The following CCDC39 variants were observed in gnomAD, a reference collection of about 807,000 sequenced individuals.
CCDC39 encodes the protein coiled-coil domain 39 molecular ruler complex subunit.
A neutral mutation model predicts 121.0 loss-of-function variants in CCDC39; 113 were observed. The ratio of observed to expected loss-of-function variants is 0.93; its 90% CI spans 0.80 to 1.09. CCDC39 has a LOEUF of 1.09. Among genes scored for constraint, CCDC39 ranks in the 50% least tolerant of loss-of-function variants. CCDC39 has a pLI of 0.00. For missense variants in CCDC39, 1,063 were observed against 1,074.7 expected (o/e 0.99, Z 0.15); for synonymous variants, 349 against 352.2 (o/e 0.99, Z 0.10).
At chr3:180,677,558 C>T (rs778205689) in intron 1 of CCDC39, among the ~76,000 whole-genome samples, 1 of 151,868 alleles carries the variant, frequency 6.6e-6, no homozygotes, top group Non-Finnish European at 1.5e-5. Context: ...TTCTTAGAAA[C>T]ATTAACCATT....
intron 1 of CCDC39, among the ~76,000 whole-genome samples, chr3:180,670,102 A>G (rs1159225958): frequency 6.6e-6 from 1 of 152,182 alleles, no homozygotes; most frequent in African/African-American, 2.4e-5. Context: ...ACTACATTAA[A>G]AACATGTTCT....
intron 1 of CCDC39, among the ~76,000 whole-genome samples, chr3:180,667,485 T>G (rs1711912591): frequency 6.6e-6 from 1 of 152,156 alleles, no homozygotes; most frequent in Admixed American, 6.5e-5. Flanking sequence ...TATTTAAAAT[T>G]TTTTCATTAT....
chr3:180,625,363 T>TA (rs113610325), intron 14 of CCDC39, among the ~76,000 whole-genome samples: 1 of 151,522 alleles, frequency 6.6e-6, no homozygotes, highest in Non-Finnish European at 1.5e-5. Flanking sequence ...TTTTTTTTTT[T>TA]AAGATATCTC....
intron 14 of CCDC39, among the ~76,000 whole-genome samples, chr3:180,621,777 A>G (rs189990999): frequency 3.3e-5 from 5 of 152,066 alleles, no homozygotes; most frequent in Non-Finnish European, 7.4e-5. Flanking sequence ...TTTCTGTACC[A>G]TTGATCTTTG....
intron 11 of CCDC39, among the ~76,000 whole-genome samples, chr3:180,645,255 A>G (rs62292371): frequency 0.2 from 30,000 of 152,122 alleles, 3,101 homozygotes; most frequent in Non-Finnish European, 0.21. Context: ...ATACATAATC[A>G]CATATTGCTA....
intron 1 of CCDC39, among the ~76,000 whole-genome samples, chr3:180,665,150 G>C (rs1032406339): frequency 1.3e-5 from 2 of 152,126 alleles, no homozygotes; most frequent in African/African-American, 4.8e-5. Flanking sequence ...CATTGAACTG[G>C]GCTAAGTTTA....
intron 1 of CCDC39, among the ~76,000 whole-genome samples, chr3:180,670,901 G>A (rs1712025642): frequency 6.6e-6 from 1 of 151,964 alleles, no homozygotes; most frequent in Non-Finnish European, 1.5e-5. Flanking sequence ...CCATTGCCAT[G>A]GCAACACCCA....
Position 180,614,586 on chromosome 3 carries a change from T to C in CCDC39, c.*335A>G. 4.9e-6 allele frequency: 1 copy of C among 205,520 alleles called. No homozygotes were observed. Among genetic ancestry groups the C allele is most frequent in the Non-Finnish European group, 9.7e-6 (1 of 103,130 alleles). The allele number at this position is 205,520 out of a possible 1,614,324, so 12.7% of individuals were successfully genotyped here. ...ACAGTAAATCTTTAGAAATTTCTTCTTGAAAGATTGTTACATTAGAAGTGA... is the reference window on the plus strand; with the variant it reads ...ACAGTAAATCTTTAGAAATTTCTTCCTGAAAGATTGTTACATTAGAAGTGA... On this transcript the variant is annotated 3_prime_UTR_variant, in exon 20 of 20. Transcript: ENST00000476379.
At chr3:180,659,082 T>C (rs925742942) in intron 6 of CCDC39, among the ~76,000 whole-genome samples, 1 of 152,182 alleles carries the variant, frequency 6.6e-6, no homozygotes, top group African/African-American at 2.4e-5. Context: ...TGGCTGTTCA[T>C]GGAGGTTCCA....
In CCDC39 at chr3:180,677,130, A is replaced by T. The variant is rs1358752900; in HGVS notation, c.90+2161T>A. Among the ~76,000 whole-genome samples, 3 of 133,786 alleles carry T rather than the reference A, an allele frequency of 2.2e-5. No individual in the cohort carries two copies. The Admixed American group carries it at 2.3e-4, about 10-fold the overall frequency. The allele number at this position is 133,786 out of a possible 152,430, so 87.8% of individuals were successfully genotyped here. ...CTGCACGTTGTGCACATGTACCCTA[A>T]AACTTAAAGTATTATAATAATAATA... On this transcript the variant is annotated intron_variant, in intron 1 of 19. Transcript: ENST00000476379.
Position 180,619,952 on chromosome 3 carries a change from C to G in CCDC39, c.2017G>C (p.Glu673Gln), listed in dbSNP as rs762287443. ...YVIKAAQEKE[E>Q]LQREGDCLDA... The stretch of plus-strand genomic sequence containing the variant: ...AAACAGTCACCTTCCCTTTGAAGTT[C>G]TTCTTTTTCTTGAGCAGCCTATGAA... Residue 673 changes from glutamate (E) to glutamine (Q), a missense_variant, in exon 15 of 20, where the codon GAA becomes CAA. Transcript: ENST00000476379. 1 of 1,605,732 alleles carries G rather than the reference C, an allele frequency of 6.2e-7. No homozygotes were observed. Among genetic ancestry groups the G allele is most frequent in the African/African-American group, 1.3e-5 (1 of 74,582 alleles).
chr3:180,670,337 A>T (rs1176236010), intron 1 of CCDC39, among the ~76,000 whole-genome samples: 1 of 150,440 alleles, frequency 6.6e-6, no homozygotes, highest in East Asian at 1.9e-4. Flanking sequence ...GTGTGTGTGT[A>T]ATTAATTCCT....
chr3:180,663,959 T>C lies in CCDC39; in HGVS notation c.118A>G (p.Ser40Gly), dbSNP rs761737012. Reference protein sequence around the residue: ...QLSKLKDERASLQDELREYEE... With the variant: ...QLSKLKDERAGLQDELREYEE... ...TACTCACGTAACTCATCTTGCAAGC[T>C]TGCTCTTTCATCCTTCAGCTTTGAC... The change falls in exon 2 of 20, where the codon AGC becomes GGC. Residue 40 changes from serine to glycine, a missense_variant. By Grantham distance (56) the Ser-to-Gly change is moderately conservative. Coordinates refer to ENST00000476379, the MANE Select transcript of CCDC39 (RefSeq NM_181426.2). 1.2e-6 allele frequency: 2 copies of C among 1,611,838 alleles called. No individual in the cohort carries two copies. The highest frequency in any genetic ancestry group is 1.1e-5 in the South Asian group (1 of 91,058).
In CCDC39 at chr3:180,616,268, AC is replaced by A; in HGVS notation, c.2669+12del. The A allele has an allele frequency of 1.9e-6, 3 of 1,611,800 alleles. No homozygotes were observed. The highest frequency in any genetic ancestry group is 2.5e-6 in the Non-Finnish European group (3 of 1,178,472). On this transcript the variant is annotated intron_variant, in intron 19 of 19. Transcript: ENST00000476379. ...TGAGAGTTAAGCAGATTTTTTTTTA[AC>A]CCTCCGCTTACCTTGCTGATAGTGA... is the stretch of plus-strand genomic sequence containing the variant.
At chr3:180,618,905 C>A (rs1717347956) in intron 16 of CCDC39, among the ~76,000 whole-genome samples, 1 of 152,040 alleles carries the variant, frequency 6.6e-6, no homozygotes, top group Non-Finnish European at 1.5e-5. Flanking sequence ...GTACTTTCTA[C>A]TAGATTATTA....
chr3:180,657,922 T>C (rs1480861608), intron 6 of CCDC39, among the ~76,000 whole-genome samples: 2 of 152,162 alleles, frequency 1.3e-5, no homozygotes, highest in Admixed American at 6.5e-5. Context: ...AGCTTAATGT[T>C]TGAAAGCAAT....
chr3:180,639,647 C>T (rs955533058), intron 13 of CCDC39, among the ~76,000 whole-genome samples: 2 of 151,682 alleles, frequency 1.3e-5, no homozygotes, highest in African/African-American at 4.8e-5. Context: ...GTGAGAGGGA[C>T]CTGAGGGATA....
At chr3:180,665,975 C>A (rs1033584041) in intron 1 of CCDC39, among the ~76,000 whole-genome samples, 1 of 152,112 alleles carries the variant, frequency 6.6e-6, no homozygotes, top group African/African-American at 2.4e-5. Flanking sequence ...AAATATACAA[C>A]ATAAAATATT....
intron 14 of CCDC39, among the ~76,000 whole-genome samples, chr3:180,621,626 A>G (rs1371280970): frequency 6.6e-6 from 1 of 151,848 alleles, no homozygotes; most frequent in African/African-American, 2.4e-5. Context: ...GGATTGTTAC[A>G]TGGGTAAATT....
Sources: allele counts gnomAD v4.1 joint callset (sites outside exome capture counted in the v4.1 genomes callset), GRCh38; gene constraint gnomAD v4.1.1; transcripts MANE v1.5; gene names NCBI Gene and HGNC (gene_info 2026-07-23, HGNC 2026-07-21).